The following PLCE1 variants were observed in gnomAD, a reference collection of about 807,000 sequenced individuals.
PLCE1 encodes 1-phosphatidylinositol 4,5-bisphosphate phosphodiesterase epsilon-1.
PLCE1 carries 119 observed loss-of-function variants against 242.8 expected under a neutral mutation model. The ratio of observed to expected loss-of-function variants is 0.49; its 90% CI spans 0.42 to 0.57. The LOEUF is 0.57. PLCE1 is among the 20% of genes least tolerant of loss of function. PLCE1 has a pLI of 0.00. For missense variants in PLCE1, 2,441 were observed against 2,788.8 expected, an observed-to-expected ratio of 0.88 and a Z score of 2.81; for synonymous variants, 945 against 1,017.4, an observed-to-expected ratio of 0.93 and a Z score of 1.35.
At chr10:94,091,499 A>G (rs2045072276) in intron 2 of PLCE1, among the ~76,000 whole-genome samples, 1 of 152,180 alleles carries the variant, frequency 6.6e-6, no homozygotes, top group Non-Finnish European at 1.5e-5. Context: ...AGATAACTAT[A>G]GTTCATTATA....
intron 2 of PLCE1, among the ~76,000 whole-genome samples, chr10:94,113,481 A>G (rs1020470459): frequency 2.6e-5 from 4 of 152,198 alleles, no homozygotes; most frequent in Non-Finnish European, 5.9e-5. Flanking sequence ...ATAGCACCTG[A>G]GTGTTCAGAG....
intron 4 of PLCE1, among the ~76,000 whole-genome samples, chr10:94,204,262 T>C (rs2049072227): frequency 6.6e-6 from 1 of 151,498 alleles, no homozygotes; most frequent in African/African-American, 2.4e-5. Context: ...AGAAAAGGAG[T>C]TGGAGGAGCA....
At chr10:94,097,023 A>G (rs1028892364) in intron 2 of PLCE1, 11 of 152,226 alleles carry the variant, frequency 7.2e-5, no homozygotes, top group South Asian at 2.1e-4. Flanking sequence ...AGTACCAAGA[A>G]GTTTATAACT....
At chr10:94,108,981 T>A (rs895073095) in intron 2 of PLCE1, 3 of 152,230 alleles carry the variant, frequency 2.0e-5, no homozygotes, top group Admixed American at 6.5e-5. Context: ...AATGTAGAAA[T>A]ATCAATGACT....
At chr10:94,303,511 TA>T (rs370569493) in intron 24 of PLCE1, among the ~76,000 whole-genome samples, 72 of 152,360 alleles carry the variant, frequency 4.7e-4, no homozygotes, top group African/African-American at 1.4e-3. Flanking sequence ...CAGATGTGAT[TA>T]TTTTTTTTCT....
At chr10:94,098,743 G>T (rs919402673) in intron 2 of PLCE1, among the ~76,000 whole-genome samples, 8 of 152,122 alleles carry the variant, frequency 5.3e-5, no homozygotes, top group East Asian at 1.9e-4. Context: ...GCTTTCTTTG[G>T]AACACCTTGA....
chr10:94,017,938 G>T (rs779513691), intron 1 of PLCE1, among the ~76,000 whole-genome samples: 3 of 152,138 alleles, frequency 2.0e-5, no homozygotes, highest in Admixed American at 6.5e-5. Flanking sequence ...ATTAAATCAG[G>T]ATCATTTTAC....
intron 3 of PLCE1, among the ~76,000 whole-genome samples, chr10:94,147,029 A>T (rs2047133491): frequency 6.6e-6 from 1 of 152,094 alleles, no homozygotes; most frequent in Admixed American, 6.6e-5. Flanking sequence ...CTCACGATCT[A>T]GTTTTCTACA....
At chr10:94,036,769 T>C (rs925249177) in intron 2 of PLCE1, among the ~76,000 whole-genome samples, 2 of 152,196 alleles carry the variant, frequency 1.3e-5, no homozygotes, top group African/African-American at 4.8e-5. Flanking sequence ...CATATAGTTA[T>C]CTTGAATGTG....
chr10:94,116,965 G>C (rs1427046827), intron 2 of PLCE1, among the ~76,000 whole-genome samples: 1 of 152,140 alleles, frequency 6.6e-6, no homozygotes, highest in Non-Finnish European at 1.5e-5. Flanking sequence ...TTTTTCAGCT[G>C]TTCCCTGTCC....
At chr10:94,163,795 C>T (rs974821923) in intron 3 of PLCE1, among the ~76,000 whole-genome samples, 8 of 152,110 alleles carry the variant, frequency 5.3e-5, no homozygotes, top group Admixed American at 3.3e-4. Flanking sequence ...TGGCTGGTAC[C>T]GGTTGTTCCT....
Position 94,031,085 on chromosome 10 carries a change from T to A in PLCE1, c.39T>A (p.Pro13=). 1 of 1,613,528 alleles carries A rather than the reference T, an allele frequency of 6.2e-7. No homozygotes were observed. Among genetic ancestry groups the A allele is most frequent in the Non-Finnish European group, 8.5e-7 (1 of 1,179,538 alleles). ...SEEMTASVLI[P]VTQRKVVSAQ... The stretch of plus-strand genomic sequence containing the variant: ...AAATGACAGCTTCTGTTCTCATACC[T>A]GTGACTCAGAGAAAAGTGGTTTCTG... The change falls in exon 2 of 33, where the codon CCT becomes CCA. Residue 13 remains proline, a synonymous_variant. Transcript: ENST00000371380.
At chr10:94,204,341 A>G (rs1255262493) in intron 4 of PLCE1, among the ~76,000 whole-genome samples, 2 of 152,208 alleles carry the variant, frequency 1.3e-5, no homozygotes, top group Non-Finnish European at 2.9e-5. Flanking sequence ...AGAAACTCCA[A>G]GCTACCTTCT....
At chr10:94,177,123 A>G (rs1045288031) in intron 4 of PLCE1, among the ~76,000 whole-genome samples, 1 of 152,236 alleles carries the variant, frequency 6.6e-6, no homozygotes, top group Admixed American at 6.5e-5. Flanking sequence ...GTAATGTGAG[A>G]AAAAGGAAGA....
intron 29 of PLCE1, among the ~76,000 whole-genome samples, chr10:94,319,937 T>C (rs2053730559): frequency 6.9e-6 from 1 of 144,792 alleles, no homozygotes; most frequent in African/African-American, 2.5e-5. Flanking sequence ...TGGCGCGATC[T>C]CAGCTCACTG....
chr10:94,309,373 C>T (rs1473745434), intron 27 of PLCE1, among the ~76,000 whole-genome samples: 1 of 152,038 alleles, frequency 6.6e-6, no homozygotes, highest in Non-Finnish European at 1.5e-5. Flanking sequence ...CTCTGTCACC[C>T]AGGTTGGAGT....
chr10:94,271,231 T>C (rs1389493073), intron 18 of PLCE1, among the ~76,000 whole-genome samples: 1 of 151,694 alleles, frequency 6.6e-6, no homozygotes, highest in Admixed American at 6.6e-5. Flanking sequence ...TGCCAGGATG[T>C]CATCTGTCAG....
At chr10:94,131,025 A>G (rs773030315) in intron 2 of PLCE1, among the ~76,000 whole-genome samples, 30 of 152,184 alleles carry the variant, frequency 2.0e-4, no homozygotes, top group Non-Finnish European at 3.2e-4. Flanking sequence ...GAGAGAAACT[A>G]TTTTATTTAT....
intron 4 of PLCE1, among the ~76,000 whole-genome samples, chr10:94,173,701 C>T (rs534689903): frequency 6.1e-4 from 93 of 152,300 alleles, no homozygotes; most frequent in Non-Finnish European, 1.1e-3. Flanking sequence ...TGACCTACAG[C>T]TGGGTAGAGG....
Sources: allele counts gnomAD v4.1 joint callset (sites outside exome capture counted in the v4.1 genomes callset), GRCh38; gene constraint gnomAD v4.1.1; transcripts MANE v1.5; gene names NCBI Gene and HGNC (gene_info 2026-07-23, HGNC 2026-07-21).